The following GPHN variants were observed in gnomAD, a reference collection of about 807,000 sequenced individuals.
GPHN encodes gephyrin.
GPHN carries 17 observed loss-of-function variants against 95.5 expected under a neutral mutation model. The observed-to-expected ratio is 0.18, with a 90% CI of 0.12 to 0.27. The LOEUF is 0.27. GPHN is among the 10% of genes least tolerant of loss of function. The probability of loss-of-function intolerance (pLI) is 1.00; values close to 1 mark genes in which losing one functional copy is unlikely to be tolerated. For missense variants in GPHN, 660 were observed against 978.1 expected, an observed-to-expected ratio of 0.67 and a Z score of 4.34; for synonymous variants, 320 against 322.5, an observed-to-expected ratio of 0.99 and a Z score of 0.08.
At chr14:66,771,715 T>A (rs111776478) in intron 2 of GPHN, among the ~76,000 whole-genome samples, 2,595 of 111,978 alleles carry the variant, frequency 0.023, 93 homozygotes, top group African/African-American at 0.083. Flanking sequence ...CCCAATGCTA[T>A]CCCTCCCCCC....
chr14:66,660,401 T>C lies in GPHN; in HGVS notation c.65-20706T>C, dbSNP rs531735606. Among the ~76,000 whole-genome samples the C allele has an allele frequency of 2.6e-5, 4 of 152,332 alleles. No individual in the cohort carries two copies. In the South Asian group the frequency reaches 8.3e-4, roughly 32 times the overall value. On this transcript the variant is annotated intron_variant, in intron 1 of 22. Coordinates refer to ENST00000478722, the MANE Select transcript of GPHN (RefSeq NM_020806.5). ...TTACCCATATATTTGCCTACTATTA[T>C]AATGTTTTTCTTCCTGATGTTCCAA...
At chr14:67,589,723 C>T in the GPHN span, 5 of 1,007,674 alleles carry the variant, frequency 5.0e-6, no homozygotes, top group Non-Finnish European at 5.9e-6. Flanking sequence ...CTCAAGACAT[C>T]TGATGTCAGT....
At chr14:67,007,186 T>C (rs1015207638) in intron 9 of GPHN, among the ~76,000 whole-genome samples, 8 of 152,196 alleles carry the variant, frequency 5.3e-5, no homozygotes, top group Non-Finnish European at 8.8e-5. Context: ...GAAAGAAATC[T>C]TTTTTCTTTC....
In GPHN at chr14:67,002,728, T is replaced by C. The variant is rs75673619; in HGVS notation, c.964-20905T>C. Among the ~76,000 whole-genome samples, 455 of 151,722 alleles carry C rather than the reference T, an allele frequency of 3.0e-3. 3 individuals are homozygous for C. Among genetic ancestry groups the C allele is most frequent in the African/African-American group, 0.011 (437 of 41,520 alleles). ...GTATCTTAAGTATTTAACAGCTTAA[T>C]ATTACTTGGTGCAATGCCTGATATG... On this transcript the variant is annotated intron_variant, in intron 9 of 22. Transcript: ENST00000478722.
At chr14:67,326,949 C>T in the GPHN span, among the ~76,000 whole-genome samples, 17 of 152,184 alleles carry the variant, frequency 1.1e-4, no homozygotes, top group Admixed American at 7.2e-4. Flanking sequence ...CCGAGGCGGG[C>T]AGATCACTTG....
the GPHN span, chr14:67,590,076 G>A: frequency 9.0e-6 from 14 of 1,549,296 alleles, no homozygotes; most frequent in Non-Finnish European, 1.1e-5. Flanking sequence ...CTGAACGCTG[G>A]GGCTCATGGG....
At chr14:67,055,899 A>G (rs2075542036) in intron 10 of GPHN, among the ~76,000 whole-genome samples, 1 of 152,128 alleles carries the variant, frequency 6.6e-6, no homozygotes, top group African/African-American at 2.4e-5. Flanking sequence ...CTTCACAGTG[A>G]GTGTCACAGC....
chr14:67,323,888 T>A, the GPHN span: 1 of 754,986 alleles, frequency 1.3e-6, no homozygotes, highest in Non-Finnish European at 2.2e-6. Context: ...GTCCTGGTGC[T>A]TAAAAGCTAC....
chr14:67,630,818 T>G, the GPHN span, among the ~76,000 whole-genome samples: 1 of 152,134 alleles, frequency 6.6e-6, no homozygotes, highest in African/African-American at 2.4e-5. Context: ...CTCCTGACCT[T>G]GTGATCCACC....
the GPHN span, among the ~76,000 whole-genome samples, chr14:67,424,468 G>A: frequency 3.3e-5 from 5 of 151,554 alleles, no homozygotes; most frequent in African/African-American, 1.2e-4. Context: ...AAATACAGGT[G>A]TGTGCTTGTA....
chr14:67,681,598 G>A, the GPHN span, among the ~76,000 whole-genome samples: 144,531 of 152,202 alleles, frequency 0.95, 68,983 homozygotes, highest in Non-Finnish European at 1. Flanking sequence ...CCTGACCTAC[G>A]TGGCAAAACC....
chr14:66,786,738 T>A (rs559925722), intron 3 of GPHN, among the ~76,000 whole-genome samples: 1 of 152,100 alleles, frequency 6.6e-6, no homozygotes, highest in African/African-American at 2.4e-5. Context: ...AAACAATAAA[T>A]CTAATCTACC....
intron 2 of GPHN, among the ~76,000 whole-genome samples, chr14:66,713,745 GTTT>G (rs57122060): frequency 6.8e-6 from 1 of 147,766 alleles, no homozygotes; most frequent in Non-Finnish European, 1.5e-5. Context: ...TTTCTTTGTT[GTTT>G]TTTTTTTATT....
intron 2 of GPHN, among the ~76,000 whole-genome samples, chr14:66,695,627 G>C (rs929268063): frequency 2.0e-5 from 3 of 152,174 alleles, no homozygotes; most frequent in African/African-American, 7.2e-5. Flanking sequence ...GTGGGTGAAT[G>C]GATAAGTAAA....
chr14:67,300,802 A>G, the GPHN span, among the ~76,000 whole-genome samples: 1 of 152,148 alleles, frequency 6.6e-6, no homozygotes, highest in African/African-American at 2.4e-5. Context: ...TGATTGTTCC[A>G]TTACACTCAT....
At chr14:67,122,072 C>G (rs1158842123) in intron 16 of GPHN, among the ~76,000 whole-genome samples, 184 bp from the exon 17 acceptor site, 1 of 152,170 alleles carries the variant, frequency 6.6e-6, no homozygotes, top group Non-Finnish European at 1.5e-5. Context: ...TCCATAGGAA[C>G]ATTTTCTCAT....
the GPHN span, among the ~76,000 whole-genome samples, chr14:67,718,191 G>A: frequency 5.3e-5 from 8 of 152,158 alleles, no homozygotes; most frequent in Non-Finnish European, 7.4e-5. Context: ...GGTGCTGTAC[G>A]GGCTCCTTAG....
chr14:66,982,153 T>TA (rs1407723489), intron 9 of GPHN, among the ~76,000 whole-genome samples: 2 of 152,166 alleles, frequency 1.3e-5, no homozygotes, highest in Admixed American at 1.3e-4. Context: ...TTGGTTTAAT[T>TA]AAAATACTAC....
the GPHN span, among the ~76,000 whole-genome samples, chr14:67,378,897 G>A: frequency 6.6e-6 from 1 of 152,166 alleles, no homozygotes; most frequent in African/African-American, 2.4e-5. Context: ...CTGAAATTAT[G>A]TATCAATATC....
Sources: gnomAD v4.1 joint callset for allele counts (sites outside exome capture counted in the v4.1 genomes callset) on GRCh38, gnomAD v4.1.1 for gene constraint, MANE v1.5 for transcripts, NCBI Gene and HGNC (gene_info 2026-07-23, HGNC 2026-07-21) for gene names.